GUF1: variants seen among roughly 807,000 people sequenced by gnomAD.
The protein encoded by GUF1 is GTP binding elongation factor GUF1.
Under a neutral mutation model 82.4 loss-of-function variants are expected in GUF1, and 78 were observed. That is an observed-to-expected ratio of 0.95 (90% CI 0.79 to 1.14). The LOEUF is 1.14. GUF1 is among the 50% of genes most tolerant of loss of function. The pLI is 0.00. For synonymous variants in GUF1, 279 were observed against 282.3 expected (o/e 0.99, Z 0.12); for missense variants, 814 against 798.2 (o/e 1.02, Z -0.24).
intron 12 of GUF1, among the ~76,000 whole-genome samples, chr4:44,691,426 CT>C (rs1427942971): frequency 4.0e-5 from 6 of 151,644 alleles, no homozygotes; most frequent in Admixed American, 3.9e-4. Flanking sequence ...GGACTTTTGA[CT>C]TTATATGTAG....
intron 14 of GUF1, among the ~76,000 whole-genome samples, chr4:44,694,929 C>T (rs1240548728): frequency 6.6e-6 from 1 of 151,980 alleles, no homozygotes; most frequent in Non-Finnish European, 1.5e-5. Context: ...GCCTCAGCCT[C>T]CTGAGTAGCT....
intron 4 of GUF1, among the ~76,000 whole-genome samples, chr4:44,681,879 A>C (rs1399805758): frequency 6.6e-6 from 1 of 152,076 alleles, no homozygotes; most frequent in East Asian, 1.9e-4. Context: ...TGTGTTCTCT[A>C]ATAAGCTTTG....
At position 44,698,733 on chromosome 4, in the gene GUF1, GA is replaced by G; in HGVS notation, c.*55del. The G allele has an allele frequency of 6.7e-7, 1 of 1,489,688 alleles. No individual in the cohort carries two copies. Among genetic ancestry groups the G allele is most frequent in the Non-Finnish European group, 9.1e-7 (1 of 1,101,044 alleles). 92.3% of individuals were successfully genotyped at this position (1,489,688 alleles called of 1,614,324 possible). On this transcript the variant is annotated 3_prime_UTR_variant, in exon 17 of 17. Transcript: ENST00000281543. Reference sequence around the variant, plus strand: ...TGCAATTTGTAATATGCTGACAACAGAAAGAAAATTATAAAATTTGCTTGTT... The same window carrying G: ...TGCAATTTGTAATATGCTGACAACAGAAGAAAATTATAAAATTTGCTTGTT...
In GUF1 at chr4:44,686,030, AT is replaced by A; in HGVS notation, c.734+10del. 6.3e-7 allele frequency: 1 copy of A among 1,586,930 alleles called. No homozygotes were observed. The highest frequency in any genetic ancestry group is 8.6e-7 in the Non-Finnish European group (1 of 1,156,804). On this transcript the variant is annotated splice_region_variant and intron_variant, in intron 7 of 16. Coordinates refer to ENST00000281543, the MANE Select transcript of GUF1 (RefSeq NM_021927.3). ...TTATTGAAAGAATCCCCCCGTGAGT[AT>A]TTGGTGATTTTTGTACTAGTTGTCT...
chr4:44,686,089 A>T, intron 7 of GUF1, 66 bp downstream of exon 7: 1 of 1,079,922 alleles, frequency 9.3e-7, no homozygotes, highest in Non-Finnish European at 1.4e-6. Context: ...TCCATGTTTA[A>T]TAGTTCAAAG....
intron 2 of GUF1, 45 bp from the exon 3 acceptor site, chr4:44,680,649 T>C: frequency 6.9e-7 from 1 of 1,459,016 alleles, no homozygotes; most frequent in Non-Finnish European, 9.2e-7. Context: ...ATTCTCTTTT[T>C]TTTTTAAAGC....
intron 14 of GUF1, 146 bp from the exon 15 acceptor site, chr4:44,695,469 A>AT: frequency 2.1e-6 from 1 of 472,018 alleles, no homozygotes; most frequent in Non-Finnish European, 3.6e-6. Context: ...GTTGTTCATG[A>AT]TTCAGAGAGT....
chr4:44,689,925 A>G lies in GUF1; in HGVS notation c.1285A>G (p.Thr429Ala). 1 of 1,608,436 alleles carries G rather than the reference A, an allele frequency of 6.2e-7. No individual in the cohort carries two copies. Reference sequence around the variant, plus strand: ...ATATAATGCTTCTGTTATTTTAACAACCCCTACTGTTCCATATAAAGCTGT... The same window carrying G: ...ATATAATGCTTCTGTTATTTTAACAGCCCCTACTGTTCCATATAAAGCTGT... ...QEYNASVILT[T>A]PTVPYKAVLS... Residue 429 changes from threonine to alanine, a missense_variant, in exon 11 of 17, where the codon ACC becomes GCC. By Grantham distance (58) the Thr-to-Ala change is moderately conservative (BLOSUM62 0). Coordinates refer to ENST00000281543, the MANE Select transcript of GUF1 (RefSeq NM_021927.3).
chr4:44,690,792 G>A lies in GUF1; in HGVS notation c.1411G>A (p.Glu471Lys). 6.2e-7 allele frequency: 1 copy of A among 1,603,200 alleles called. No individual in the cohort carries two copies. The highest frequency in any genetic ancestry group is 8.5e-7 in the Non-Finnish European group (1 of 1,171,762). ...PDKSKVTEYL[E>K]PVVLGTIITP... The stretch of plus-strand genomic sequence containing the variant: ...TAAATCAAAAGTAACAGAATATTTG[G>A]AGCCAGTTGTTTTGGGCACTATTAT... Residue 471 changes from glutamate (E) to lysine (K), a missense_variant, in exon 12 of 17, where the codon GAG becomes AAG. Physicochemically the swap from Glu to Lys is moderately conservative, Grantham distance 56. Coordinates refer to ENST00000281543, the MANE Select transcript of GUF1 (RefSeq NM_021927.3).
At position 44,681,132 on chromosome 4, in the gene GUF1, G is replaced by A; in HGVS notation, c.436G>A (p.Asp146Asn). ...TATTTTTGTTTCTCAGGGCCATGTT[G>A]ATTTTAGTTATGAAGTATCCAGGTC... is the stretch of plus-strand genomic sequence containing the variant. ...LNLIDTPGHV[D>N]FSYEVSRSLS... is the part of the protein sequence containing the mutation. Residue 146 changes from aspartate (D) to asparagine (N), a missense_variant, in exon 4 of 17, where the codon GAT becomes AAT. Physicochemically the swap from Asp to Asn is conservative, Grantham distance 23. Coordinates refer to ENST00000281543, the MANE Select transcript of GUF1 (RefSeq NM_021927.3). The A allele has an allele frequency of 6.2e-7, 1 of 1,612,844 alleles. No homozygotes were observed. The highest frequency in any genetic ancestry group is 8.5e-7 in the Non-Finnish European group (1 of 1,179,186).
intron 14 of GUF1, 77 bp downstream of exon 14, chr4:44,694,590 TG>T: frequency 3.2e-6 from 3 of 927,472 alleles, no homozygotes; most frequent in Non-Finnish European, 5.0e-6. Context: ...TTTGAGCAGC[TG>T]CATTTAAAAA....
At chr4:44,689,619 C>A (rs371071197) in intron 10 of GUF1, among the ~76,000 whole-genome samples, 5 of 151,544 alleles carry the variant, frequency 3.3e-5, no homozygotes, top group African/African-American at 7.3e-5. Flanking sequence ...TTTCACGTTG[C>A]GGATTGACAT....
rs755314996 is a variant in GUF1 at position 44,686,588 on chromosome 4, C to T, written c.813C>T (p.Ala271=). 6 of 1,612,032 alleles carry T rather than the reference C, an allele frequency of 3.7e-6. No homozygotes were observed. The highest frequency in any genetic ancestry group is 3.3e-5 in the Admixed American group (2 of 59,904). Residue 271 remains alanine (A), a synonymous_variant, in exon 8 of 17, where the codon GCC becomes GCT. Coordinates refer to ENST00000281543, the MANE Select transcript of GUF1 (RefSeq NM_021927.3). The part of the protein sequence containing the change: ...STFDQYRGVI[A]NVALFDGVVS... ...TTGACCAGTATAGAGGTGTGATAGC[C>T]AATGTAGCATTATTTGACGGAGTGG...
chr4:44,681,012 A>G, intron 3 of GUF1, 111 bp from the exon 4 acceptor site: 1 of 1,177,764 alleles, frequency 8.5e-7, no homozygotes, highest in Non-Finnish European at 1.2e-6. Flanking sequence ...GGCTACAAAA[A>G]AGAAACGAAT....
chr4:44,682,232 G>A (rs373595899), intron 4 of GUF1, 102 bp from the exon 5 acceptor site: 82 of 539,954 alleles, frequency 1.5e-4, no homozygotes, highest in African/African-American at 1.1e-3. Context: ...TTAGCATAAC[G>A]CAAAATCTCT....
At chr4:44,691,940 C>G (rs1715473834) in intron 13 of GUF1, 141 bp downstream of exon 13, 2 of 607,536 alleles carry the variant, frequency 3.3e-6, no homozygotes. Flanking sequence ...GTTAGAATGA[C>G]TTGGAACAAC....
chr4:44,678,670 G>A lies in GUF1; in HGVS notation c.48G>A (p.Ala16=), dbSNP rs866261869. The A allele has an allele frequency of 6.7e-7, 1 of 1,491,212 alleles. No individual in the cohort carries two copies. Among genetic ancestry groups the A allele is most frequent in the South Asian group, 1.4e-5 (1 of 70,828 alleles). The allele number at this position is 1,491,212 out of a possible 1,614,324, so 92.4% of individuals were successfully genotyped here. The change falls in exon 1 of 17, where the codon GCG becomes GCA. Residue 16 remains alanine, a synonymous_variant. Transcript: ENST00000281543. ...GCTGGGGGTGCGCACGCGCTCTCGC[G>A]CCACGAGCCACTGGGGCCGCGCTTC... ...GRGWGCARAL[A]PRATGAALLV...
intron 14 of GUF1, 26 bp from the exon 15 acceptor site, chr4:44,695,589 T>G (rs1246033059): frequency 6.3e-7 from 1 of 1,590,864 alleles, no homozygotes; most frequent in South Asian, 1.1e-5. Flanking sequence ...TTAGGATATA[T>G]AAACAGTTGT....
At chr4:44,680,230 T>C (rs1321542959) in intron 1 of GUF1, among the ~76,000 whole-genome samples, 3 of 152,168 alleles carry the variant, frequency 2.0e-5, no homozygotes, top group Non-Finnish European at 4.4e-5. Flanking sequence ...GGGATTATGA[T>C]TTAGCTGTAT....
Sources: allele counts gnomAD v4.1 joint callset (sites outside exome capture counted in the v4.1 genomes callset), GRCh38; gene constraint gnomAD v4.1.1; transcripts MANE v1.5; gene names NCBI Gene and HGNC (gene_info 2026-07-23, HGNC 2026-07-21).